AKR1B15: variants seen among roughly 807,000 people sequenced by gnomAD.
AKR1B15 encodes the protein aldo-keto reductase family 1 member B15, also known as estradiol 17-beta-dehydrogenase AKR1B15.
In AKR1B15, 49 loss-of-function variants were observed where a neutral mutation model predicts 38.5. That is an observed-to-expected ratio of 1.27 (90% CI 1.01 to 1.62). The LOEUF (loss-of-function observed/expected upper bound fraction) is 1.62, where lower values mean the gene tolerates loss of function less well. Among genes scored for constraint, AKR1B15 ranks in the 40% most tolerant of loss-of-function variants. The pLI, the probability that AKR1B15 is intolerant of heterozygous loss-of-function variation, is 0.00. For synonymous variants in AKR1B15, 137 were observed against 135.5 expected, an observed-to-expected ratio of 1.01 and a Z score of -0.08; for missense variants, 411 against 381.6, an observed-to-expected ratio of 1.08 and a Z score of -0.64.
At chr7:134,554,236 ACT>A in intron 1 of AKR1B15, among the ~76,000 whole-genome samples, 1 of 152,196 alleles carries the variant, frequency 6.6e-6, no homozygotes, top group Middle Eastern at 3.4e-3. Flanking sequence ...CAAAGAGCAG[ACT>A]CTGCAGCTTG....
At chr7:134,550,906 G>C (rs116421673) in intron 1 of AKR1B15, among the ~76,000 whole-genome samples, 2 of 152,144 alleles carry the variant, frequency 1.3e-5, no homozygotes, top group Non-Finnish European at 2.9e-5. Context: ...AGCTGTTCAG[G>C]CTGTGTGGTG....
At chr7:134,566,605 C>G (rs768196941) in intron 3 of AKR1B15, among the ~76,000 whole-genome samples, 64 of 152,186 alleles carry the variant, frequency 4.2e-4, no homozygotes, top group Non-Finnish European at 7.8e-4. Flanking sequence ...CATGATAGCA[C>G]TACCCTAACT....
At chr7:134,576,737 C>A (rs1310529034) in intron 9 of AKR1B15, among the ~76,000 whole-genome samples, 5 of 151,712 alleles carry the variant, frequency 3.3e-5, no homozygotes, top group Non-Finnish European at 5.9e-5. Context: ...GACCCCCAAG[C>A]TACTTTCTTC....
At chr7:134,561,767 G>A (rs1160684416) in intron 2 of AKR1B15, among the ~76,000 whole-genome samples, 1 of 147,086 alleles carries the variant, frequency 6.8e-6, no homozygotes, top group Non-Finnish European at 1.5e-5. Flanking sequence ...GCATGTCACA[G>A]CATGGCACAG....
In AKR1B15 at chr7:134,564,672, G is replaced by T. The variant is rs1373464127; in HGVS notation, c.53G>T (p.Gly18Val). The T allele has an allele frequency of 1.4e-6, 1 of 698,760 alleles. No homozygotes were observed. Among genetic ancestry groups the T allele is most frequent in the Non-Finnish European group, 2.6e-6 (1 of 383,904 alleles). The allele number at this position is 698,760 out of a possible 1,614,324, so 43.3% of individuals were successfully genotyped here. A position where few individuals can be genotyped will look rare whatever the true frequency, so the allele number is the denominator to read the frequency against. The part of the protein sequence containing the change: ...QVNSTNNFHQ[G>V]PLDQPVGPLT... ...AACTCAACTAACAACTTCCACCAAG[G>T]ACCCCTGGACCAACCCGTTGGCCCT... The change falls in exon 3 of 12, where the codon GGA (glycine) becomes GTA (valine). Residue 18 changes from glycine (G) to valine (V), a missense_variant. This residue lies in a region of AKR1B15 where 254 missense variants were observed against 212.4 expected (regional missense o/e 1.20). Coordinates refer to ENST00000457545, the MANE Select transcript of AKR1B15 (RefSeq NM_001080538.3).
chr7:134,567,407 T>C (rs998975042), intron 3 of AKR1B15, among the ~76,000 whole-genome samples: 2 of 152,214 alleles, frequency 1.3e-5, no homozygotes, highest in Non-Finnish European at 2.9e-5. Context: ...TCTATTCCTA[T>C]AAGCTTCTCT....
chr7:134,557,689 AC>A (rs1794247605), intron 2 of AKR1B15, among the ~76,000 whole-genome samples: 1 of 151,908 alleles, frequency 6.6e-6, no homozygotes, highest in African/African-American at 2.4e-5. Flanking sequence ...TTATCTTTCA[AC>A]TTTTTTGCCT....
At chr7:134,571,539 C>G (rs1304635730) in intron 5 of AKR1B15, 65 bp from the exon 6 acceptor site, 2 of 1,288,262 alleles carry the variant, frequency 1.6e-6, no homozygotes, top group East Asian at 4.6e-5. Context: ...GATCCTGAAA[C>G]CTTGTTGAAC....
intron 3 of AKR1B15, among the ~76,000 whole-genome samples, chr7:134,566,663 T>C (rs1275153610): frequency 6.6e-6 from 1 of 152,178 alleles, no homozygotes; most frequent in Non-Finnish European, 1.5e-5. Flanking sequence ...CTGTCCCTCA[T>C]GGCTAATTTC....
Position 134,562,866 on chromosome 7 carries a change from CT to C in AKR1B15, c.-22-1729del, listed in dbSNP as rs1562947029. On this transcript the variant is annotated intron_variant, in intron 2 of 11. Transcript: ENST00000457545. The stretch of plus-strand genomic sequence containing the variant: ...TCTTTCTTTCTTTCTTTCTTTCTTT[CT>C]TTCTTTCTTTCTTTCTTTCTTTCCT... 8.0e-4 allele frequency among the ~76,000 whole-genome samples: 114 copies of C among 142,712 alleles called. 1 individual carries two copies. Among genetic ancestry groups the C allele is most frequent in the African/African-American group, 3.1e-3 (114 of 37,004 alleles). The allele number at this position is 142,712 out of a possible 152,430, so 93.6% of individuals were successfully genotyped here.
intron 11 of AKR1B15, 139 bp from the exon 12 acceptor site, chr7:134,579,368 G>C (rs1794834913): frequency 4.5e-6 from 3 of 666,712 alleles, no homozygotes; most frequent in Non-Finnish European, 7.3e-6. Context: ...CAAGGTGTAA[G>C]CACCCTTCTT....
In AKR1B15 at chr7:134,572,778, G is replaced by A. The variant is rs563781377; in HGVS notation, c.513+1097G>A. Among the ~76,000 whole-genome samples, 14 of 152,190 alleles carry A rather than the reference G, an allele frequency of 9.2e-5. No homozygotes were observed. The East Asian group carries it at 2.5e-3, about 27-fold the overall frequency. On this transcript the variant is annotated intron_variant, in intron 6 of 11. Transcript: ENST00000457545. Reference sequence around the variant, plus strand: ...TGGCCATTTTTTATTATACCATTATGTCCTTTTGCAAATGCTAATAGAGAA... The same window carrying A: ...TGGCCATTTTTTATTATACCATTATATCCTTTTGCAAATGCTAATAGAGAA...
rs750800526 is a variant in AKR1B15, at chr7:134,576,356, C to T, written c.751C>T (p.Pro251Ser). ...LGSPDRPWAK[P>S]EDPSLLEDPK... The stretch of plus-strand genomic sequence containing the variant: ...GCATCTTTCTGCCCCTAGGGCCAAA[C>T]CTGAGGACCCTTCCCTGCTGGAGGA... Residue 251 changes from proline (P) to serine (S), a missense_variant, in exon 9 of 12, where the codon CCT becomes TCT. By Grantham distance (74) the Pro-to-Ser change is moderately conservative. Around this residue, in one of 3 missense-constraint regions of AKR1B15, gnomAD observed 133 missense variants for 120.3 expected, o/e 1.11. Coordinates refer to ENST00000457545, the MANE Select transcript of AKR1B15 (RefSeq NM_001080538.3). The T allele has an allele frequency of 4.3e-6, 7 of 1,613,970 alleles. No homozygotes were observed. The highest frequency in any genetic ancestry group is 1.7e-5 in the Admixed American group (1 of 60,004).
At chr7:134,555,197 A>G (rs571398488) in intron 1 of AKR1B15, among the ~76,000 whole-genome samples, 32 of 152,286 alleles carry the variant, frequency 2.1e-4, no homozygotes, top group Non-Finnish European at 4.0e-4. Context: ...GGTACAAGAC[A>G]TCATCCAGCT....
intron 11 of AKR1B15, 70 bp downstream of exon 11, chr7:134,577,856 G>A: frequency 1.3e-6 from 2 of 1,543,422 alleles, no homozygotes; most frequent in Admixed American, 1.8e-5. Context: ...TTAGTTGGAA[G>A]GATTAGAAGG....
In AKR1B15 at chr7:134,553,413, G is replaced by C. The variant is rs151223014; in HGVS notation, c.-146-3323G>C. On this transcript the variant is annotated intron_variant, in intron 1 of 11. Coordinates refer to ENST00000457545, the MANE Select transcript of AKR1B15 (RefSeq NM_001080538.3). Reference sequence around the variant, plus strand: ...TGAAAACCAAGGAGTCGCTAAAGGGGTACTTACTCAGACTTTAGGGCCATG... The same window carrying C: ...TGAAAACCAAGGAGTCGCTAAAGGGCTACTTACTCAGACTTTAGGGCCATG... Among the ~76,000 whole-genome samples, 36 of 152,242 alleles carry C rather than the reference G, an allele frequency of 2.4e-4. 1 individual carries two copies. The highest frequency in any genetic ancestry group is 3.8e-4 in the Non-Finnish European group (26 of 68,030).
chr7:134,565,322 C>A (rs1794507456), intron 3 of AKR1B15: 1 of 1,242,002 alleles, frequency 8.1e-7, no homozygotes, highest in South Asian at 1.5e-5. Flanking sequence ...GAACAAACTC[C>A]AGACACAACA....
At chr7:134,563,430 C>G (rs1794465505) in intron 2 of AKR1B15, among the ~76,000 whole-genome samples, 3 of 152,132 alleles carry the variant, frequency 2.0e-5, no homozygotes, top group Non-Finnish European at 4.4e-5. Context: ...TGCCTGTAAT[C>G]GCAGCTATTC....
intron 2 of AKR1B15, among the ~76,000 whole-genome samples, chr7:134,560,169 T>C (rs1585794034): frequency 6.6e-6 from 1 of 151,996 alleles, no homozygotes; most frequent in African/African-American, 2.4e-5. Flanking sequence ...AGGTGAAATC[T>C]ATTTCCCTAC....
Sources: gnomAD v4.1 joint callset for allele counts (sites outside exome capture counted in the v4.1 genomes callset) on GRCh38, gnomAD v4.1.1 for gene constraint, gnomAD v4.1.1 regional missense constraint, MANE v1.5 for transcripts, NCBI Gene and HGNC (gene_info 2026-07-23, HGNC 2026-07-21) for gene names.